The following DLG3 variants were observed in gnomAD, a reference collection of about 807,000 sequenced individuals.
DLG3 encodes the protein disks large homolog 3.
Under a neutral mutation model 64.1 loss-of-function variants are expected in DLG3, and 1 was observed. The ratio of observed to expected loss-of-function variants is 0.02; its 90% CI spans 0.01 to 0.07. DLG3 has a LOEUF of 0.07. Among genes scored for constraint, DLG3 ranks in the 10% least tolerant of loss-of-function variants. The pLI is 1.00. For synonymous variants in DLG3, 245 were observed against 259.8 expected (o/e 0.94, Z 0.55); for missense variants, 429 against 669.5 (o/e 0.64, Z 3.96).
chrX:70,478,107 G>A (rs2087088180), intron 9 of DLG3, among the ~76,000 whole-genome samples: 1 of 112,272 alleles, frequency 8.9e-6, no homozygotes, highest in Non-Finnish European at 1.9e-5. Flanking sequence ...AGTGAAGTGT[G>A]CCTGTTTTCT....
Position 70,500,568 on chromosome X carries a change from T to C in DLG3, c.2243T>C (p.Ile748Thr), listed in dbSNP as rs1234828740. 1.1e-5 allele frequency: 13 copies of C among 1,195,825 alleles called. No homozygotes were observed. The highest frequency in any genetic ancestry group is 3.0e-5 in the East Asian group (1 of 33,685). The change falls in exon 17 of 19, where the codon ATT (isoleucine) becomes ACT (threonine). Residue 748 changes from isoleucine (I) to threonine (T), a missense_variant. Ile to Thr is a moderately conservative substitution (Grantham distance 89). Transcript: ENST00000374360. ...PIAIFIKPKS[I>T]EALMEMNRRQ... ...GCCATTTTCATCAAGCCCAAGTCCA[T>C]TGAAGCCCTTATGTAAGTGTTGAAC... is the stretch of plus-strand genomic sequence containing the variant.
chrX:70,494,127 A>G (rs753744601), intron 12 of DLG3, among the ~76,000 whole-genome samples: 1 of 112,720 alleles, frequency 8.9e-6, no homozygotes, highest in South Asian at 3.7e-4. Context: ...CATTGTTCAA[A>G]TAAAGATCTA....
At chrX:70,501,010 C>A in intron 18 of DLG3, 21 bp downstream of exon 18, 1 of 1,118,879 alleles carries the variant, frequency 8.9e-7, no homozygotes, top group Non-Finnish European at 1.2e-6. Flanking sequence ...TGCTGCCCTG[C>A]GGGGGGTTCT....
At chrX:70,469,724 A>T (rs1296030051) in intron 9 of DLG3, among the ~76,000 whole-genome samples, 1 of 111,736 alleles carries the variant, frequency 8.9e-6, no homozygotes, top group Non-Finnish European at 1.9e-5. Context: ...CTGGGATTAC[A>T]GGCGTGAGCC....
intron 10 of DLG3, among the ~76,000 whole-genome samples, chrX:70,487,194 T>C (rs1018422318): frequency 8.9e-6 from 1 of 111,783 alleles, no homozygotes; most frequent in African/African-American, 3.3e-5. Context: ...GCTGAGGTAA[T>C]GAAGTTGGTC....
At chrX:70,482,722 G>A (rs1281708099) in intron 10 of DLG3, among the ~76,000 whole-genome samples, 1 of 97,514 alleles carries the variant, frequency 1.0e-5, no homozygotes. Context: ...CTGGAGTGGA[G>A]TGCAGTGGCG....
chrX:70,474,614 G>A (rs898141019), intron 9 of DLG3, among the ~76,000 whole-genome samples: 3 of 110,870 alleles, frequency 2.7e-5, no homozygotes, highest in South Asian at 3.9e-4. Flanking sequence ...GTGGAACAGC[G>A]TCTTAACTCA....
At chrX:70,446,904 A>G (rs1336743155) in intron 1 of DLG3, among the ~76,000 whole-genome samples, 1 of 112,292 alleles carries the variant, frequency 8.9e-6, no homozygotes, top group Admixed American at 9.4e-5. Flanking sequence ...GCTCTCACTC[A>G]GAGGCAAAGG....
intron 7 of DLG3, chrX:70,452,929 A>G (rs2086641271): frequency 2.3e-6 from 1 of 435,378 alleles, no homozygotes; most frequent in African/African-American, 2.5e-5. Flanking sequence ...AGTTGGGCGG[A>G]TGACACTGTG....
chrX:70,497,234 C>T, intron 13 of DLG3: 1 of 1,204,384 alleles, frequency 8.3e-7, no homozygotes, highest in South Asian at 1.8e-5. Context: ...AAGTGTGTGT[C>T]ATTCCTTCCA....
intron 9 of DLG3, among the ~76,000 whole-genome samples, chrX:70,470,677 C>T (rs1446952802): frequency 1.8e-5 from 2 of 111,988 alleles, no homozygotes; most frequent in African/African-American, 6.5e-5. Context: ...ATTTTCCTGC[C>T]TATAATCAAA....
In DLG3 at chrX:70,452,660, C is replaced by A. The variant is rs752699002; in HGVS notation, c.1145+634C>A. The A allele has an allele frequency of 8.3e-6, 10 of 1,200,390 alleles. No individual in the cohort carries two copies. Among genetic ancestry groups the A allele is most frequent in the Non-Finnish European group, 1.1e-5 (10 of 890,076 alleles). On this transcript the variant is annotated intron_variant, in intron 7 of 18. Coordinates refer to ENST00000374360, the MANE Select transcript of DLG3 (RefSeq NM_021120.4). ...GCAAGTTCTCGGGCTCCGGCTTGGC[C>A]ATGGGCTTGGGCTCCGCCTCCGCTT...
In DLG3 at chrX:70,453,796, G is replaced by A. The variant is rs1395247462; in HGVS notation, c.1302+3G>A. The A allele has an allele frequency of 8.4e-7, 1 of 1,187,426 alleles. No individual in the cohort carries two copies. Among genetic ancestry groups the A allele is most frequent in the Non-Finnish European group, 1.1e-6 (1 of 881,689 alleles). On this transcript the variant is annotated splice_donor_region_variant and intron_variant, in intron 8 of 18. Coordinates refer to ENST00000374360, the MANE Select transcript of DLG3 (RefSeq NM_021120.4). ...GCAGGGGAGACCGGATCTTATCGGT[G>A]AGGAGACAAAGGAGAGGTGGGAGGA... is the stretch of plus-strand genomic sequence containing the variant.
intron 1 of DLG3, among the ~76,000 whole-genome samples, chrX:70,447,120 G>C (rs781627551): frequency 1.8e-5 from 2 of 110,965 alleles, no homozygotes; most frequent in East Asian, 5.7e-4. Context: ...GGCAATCCCA[G>C]GCTGGGCCAG....
At chrX:70,446,437 C>CG (rs2086569483) in intron 1 of DLG3, among the ~76,000 whole-genome samples, 2 of 43,974 alleles carry the variant, frequency 4.5e-5, no homozygotes, top group Non-Finnish European at 8.7e-5. Context: ...TGGCGGGGGG[C>CG]GGGGGGAGAT....
intron 9 of DLG3, among the ~76,000 whole-genome samples, chrX:70,475,876 T>A (rs186282247): frequency 5.9e-4 from 66 of 112,077 alleles, no homozygotes; most frequent in Non-Finnish European, 9.0e-4. Flanking sequence ...TATTACCAAG[T>A]TTTATTTTTG....
intron 9 of DLG3, among the ~76,000 whole-genome samples, chrX:70,470,469 G>A (rs2086952148): frequency 9.0e-6 from 1 of 111,647 alleles, no homozygotes; most frequent in African/African-American, 3.3e-5. Context: ...CATCTCCAGT[G>A]GTCCGCCCAC....
At chrX:70,452,695 G>A (rs1738151200) in intron 7 of DLG3, 5 of 1,203,268 alleles carry the variant, frequency 4.2e-6, no homozygotes, top group Non-Finnish European at 5.6e-6. Flanking sequence ...TCGGCCTGGA[G>A]GAGGGCTTCG....
rs181688650 is a variant in DLG3, at chrX:70,497,584, A to T, written c.1820-936A>T. 9.8e-5 allele frequency among the ~76,000 whole-genome samples: 11 copies of T among 112,337 alleles called. No homozygotes were observed. In the East Asian group the frequency reaches 3.1e-3, roughly 32 times the overall value. On this transcript the variant is annotated intron_variant, in intron 13 of 18. Transcript: ENST00000374360. ...AAAAGAAAAATGGCTCCTCTAGGAC[A>T]CTGCCCTAAATCTGCCTTTCCAGGT...
Sources: allele counts gnomAD v4.1 joint callset (sites outside exome capture counted in the v4.1 genomes callset), GRCh38; gene constraint gnomAD v4.1.1; transcripts MANE v1.5; gene names NCBI Gene and HGNC (gene_info 2026-07-23, HGNC 2026-07-21).